Variants in RAB3B observed in about 807,000 individuals in gnomAD.
RAB3B encodes RAB3B, member RAS oncogene family, also known as ras-related protein Rab-3B.
In RAB3B, 11 loss-of-function variants were observed where a neutral mutation model predicts 20.5. That is an observed-to-expected ratio of 0.54 (90% CI 0.34 to 0.89). The LOEUF (loss-of-function observed/expected upper bound fraction) is 0.89, where lower values mean the gene tolerates loss of function less well. Ranked by LOEUF, RAB3B falls within the 40% of genes least tolerant of loss-of-function variation. The pLI is 0.02. For synonymous variants in RAB3B, 99 were observed against 106.3 expected, an observed-to-expected ratio of 0.93 and a Z score of 0.42; for missense variants, 225 against 280.9, an observed-to-expected ratio of 0.80 and a Z score of 1.42.
intron 2 of RAB3B, among the ~76,000 whole-genome samples, chr1:51,961,330 C>T (rs1224383442): frequency 6.6e-6 from 1 of 152,134 alleles, no homozygotes; most frequent in East Asian, 1.9e-4. Context: ...TAGTTTGCAA[C>T]AGATAACACC....
chr1:51,978,818 G>A (rs2124313981), intron 1 of RAB3B, among the ~76,000 whole-genome samples: 1 of 152,332 alleles, frequency 6.6e-6, no homozygotes, highest in East Asian at 1.9e-4. Context: ...GAAAGGGCAT[G>A]AGGCTGGTGG....
chr1:51,937,454 C>A, intron 2 of RAB3B, 42 bp from the exon 3 acceptor site: 1 of 1,413,794 alleles, frequency 7.1e-7, no homozygotes, highest in South Asian at 1.4e-5. Context: ...AGAAAGTCTG[C>A]TTTGGTTCCT....
At chr1:51,924,615 CAG>C (rs1571956735) in intron 4 of RAB3B, among the ~76,000 whole-genome samples, 1 of 152,280 alleles carries the variant, frequency 6.6e-6, no homozygotes, top group Non-Finnish European at 1.5e-5. Context: ...GGGGGCCAAA[CAG>C]GGGGAGCTCT....
Position 51,911,963 on chromosome 1 carries a change from T to G in RAB3B, c.*7964A>C, listed in dbSNP as rs528445322. 1 of 152,212 alleles carries G rather than the reference T, an allele frequency of 6.6e-6. No homozygotes were observed. The highest frequency in any genetic ancestry group is 2.1e-4 in the South Asian group (1 of 4,820). The allele number at this position is 152,212 out of a possible 1,614,324, so 9.4% of individuals were successfully genotyped here. ...AAGAAACAAGGAGAGAGGTGACAGC[T>G]GCTTATTACAGGAAATGATTTACCA... On this transcript the variant is annotated 3_prime_UTR_variant, in exon 5 of 5. Transcript: ENST00000371655.
Position 51,919,819 on chromosome 1 carries a change from G to A in RAB3B, c.*108C>T, listed in dbSNP as rs1469330329. The A allele has an allele frequency of 4.4e-6, 5 of 1,141,464 alleles. No individual in the cohort carries two copies. The highest frequency in any genetic ancestry group is 3.3e-5 in the South Asian group (2 of 61,422). 70.7% of individuals were successfully genotyped at this position (1,141,464 alleles called of 1,614,324 possible). A position where few individuals can be genotyped will look rare whatever the true frequency, so the allele number is the denominator to read the frequency against. On this transcript the variant is annotated 3_prime_UTR_variant, in exon 5 of 5. Coordinates refer to ENST00000371655, the MANE Select transcript of RAB3B (RefSeq NM_002867.4). ...CAGCAACTCATCTTGCTCTGAGTGTGGGCAGTGTGTAACAGGGAGAGTGGG... is the reference window on the plus strand; with the variant it reads ...CAGCAACTCATCTTGCTCTGAGTGTAGGCAGTGTGTAACAGGGAGAGTGGG...
At position 51,990,664 on chromosome 1, in the gene RAB3B, T is replaced by TGGTCCGGTCC. The variant is rs1553232502; in HGVS notation, c.-114_-113insGGACCGGACC. The TGGTCCGGTCC allele has an allele frequency of 6.6e-6, 1 of 152,138 alleles. No homozygotes were observed. Among genetic ancestry groups the TGGTCCGGTCC allele is most frequent in the African/African-American group, 2.4e-5 (1 of 41,242 alleles). 9.4% of individuals were successfully genotyped at this position (152,138 alleles called of 1,614,324 possible). On this transcript the variant is annotated 5_prime_UTR_variant, in exon 1 of 5. Transcript: ENST00000371655. ...CGGGGCGGGGCGCTGCGGGATGGTC[T>TGGTCCGGTCC]GGTCCGGTCAGGTCCTCACAGTGGC...
At chr1:51,939,654 A>G (rs1434243831) in intron 2 of RAB3B, among the ~76,000 whole-genome samples, 1 of 152,216 alleles carries the variant, frequency 6.6e-6, no homozygotes, top group Non-Finnish European at 1.5e-5. Flanking sequence ...AGCTCACTGC[A>G]GCCTCAAATT....
chr1:51,958,899 C>G (rs1684748377), intron 2 of RAB3B, among the ~76,000 whole-genome samples: 1 of 152,166 alleles, frequency 6.6e-6, no homozygotes. Context: ...GAAGAGATAG[C>G]CTCAACTTTG....
chr1:51,924,020 C>A (rs973098623), intron 4 of RAB3B, among the ~76,000 whole-genome samples: 1 of 152,158 alleles, frequency 6.6e-6, no homozygotes, highest in Admixed American at 6.5e-5. Context: ...AGACAGGGAG[C>A]TCCCCAAACA....
At chr1:51,978,985 T>C (rs767361142) in intron 1 of RAB3B, among the ~76,000 whole-genome samples, 7 of 152,236 alleles carry the variant, frequency 4.6e-5, no homozygotes, top group Non-Finnish European at 8.8e-5. Context: ...ACTCCTGTGG[T>C]CTCTGTTCTT....
chr1:51,949,702 T>G (rs1488795308), intron 2 of RAB3B, among the ~76,000 whole-genome samples: 2 of 152,176 alleles, frequency 1.3e-5, no homozygotes, highest in African/African-American at 4.8e-5. Flanking sequence ...TGCAGCCCCA[T>G]CAGCAGCAGC....
chr1:51,974,132 A>C (rs1224369768), intron 2 of RAB3B, among the ~76,000 whole-genome samples: 1 of 152,124 alleles, frequency 6.6e-6, no homozygotes, highest in Non-Finnish European at 1.5e-5. Flanking sequence ...CTGCTCTTTC[A>C]CAACCTTGAT....
intron 2 of RAB3B, among the ~76,000 whole-genome samples, chr1:51,976,413 C>T (rs530630862): frequency 4.6e-5 from 7 of 152,184 alleles, no homozygotes; most frequent in South Asian, 4.2e-4. Flanking sequence ...ATTTGTTATA[C>T]GACAGTAGAT....
chr1:51,983,321 C>CAA (rs1167720129), intron 1 of RAB3B, among the ~76,000 whole-genome samples: 2 of 141,748 alleles, frequency 1.4e-5, no homozygotes, highest in South Asian at 2.2e-4. Context: ...GACTTGGTCT[C>CAA]AAAAAAAAAA....
chr1:51,977,143 AG>A (rs1245398952), intron 1 of RAB3B, 26 bp from the exon 2 acceptor site: 1 of 1,586,860 alleles, frequency 6.3e-7, no homozygotes, highest in African/African-American at 1.3e-5. Context: ...AGAGTCACTC[AG>A]GAACAGACCT....
chr1:51,915,165 T>G lies in RAB3B; in HGVS notation c.*4762A>C, dbSNP rs1684064774. On this transcript the variant is annotated 3_prime_UTR_variant, in exon 5 of 5. Coordinates refer to ENST00000371655, the MANE Select transcript of RAB3B (RefSeq NM_002867.4). ...TTGAGCATGTTAACTTTTCCAGGGCTGTTTCCTTGACTGCCAAATTGGGAT... is the reference window on the plus strand; with the variant it reads ...TTGAGCATGTTAACTTTTCCAGGGCGGTTTCCTTGACTGCCAAATTGGGAT... The G allele has an allele frequency of 6.6e-6, 1 of 152,222 alleles. No individual in the cohort carries two copies. The highest frequency in any genetic ancestry group is 1.5e-5 in the Non-Finnish European group (1 of 68,034). The allele number at this position is 152,222 out of a possible 1,614,324, so 9.4% of individuals were successfully genotyped here. A position where few individuals can be genotyped will look rare whatever the true frequency, so the allele number is the denominator to read the frequency against.
intron 2 of RAB3B, among the ~76,000 whole-genome samples, chr1:51,947,022 C>T (rs952970905): frequency 2.0e-5 from 3 of 151,974 alleles, no homozygotes; most frequent in Non-Finnish European, 4.4e-5. Context: ...AGTTTGAGTC[C>T]CCAGTTGATA....
Position 51,953,938 on chromosome 1 carries a change from C to A in RAB3B, c.229-16526G>T, listed in dbSNP as rs181131298. On this transcript the variant is annotated intron_variant, in intron 2 of 4. Coordinates refer to ENST00000371655, the MANE Select transcript of RAB3B (RefSeq NM_002867.4). Reference sequence around the variant, plus strand: ...ATTAGCTAAACTAAAATTAAGATAACATTCAGTGTTCACAAAGGTAAAGTA... The same window carrying A: ...ATTAGCTAAACTAAAATTAAGATAAAATTCAGTGTTCACAAAGGTAAAGTA... Among the ~76,000 whole-genome samples, 8 of 152,164 alleles carry A rather than the reference C, an allele frequency of 5.3e-5. No individual in the cohort carries two copies. The East Asian group carries it at 1.5e-3, about 29-fold the overall frequency.
At chr1:51,990,463 C>T (rs1178580653) in intron 1 of RAB3B, 89 bp downstream of exon 1, 1 of 151,064 alleles carries the variant, frequency 6.6e-6, no homozygotes, top group Non-Finnish European at 1.5e-5. Flanking sequence ...CGCGCTCCTT[C>T]TCGGCGCCCG....
Sources: gnomAD v4.1 joint callset for allele counts (sites outside exome capture counted in the v4.1 genomes callset) on GRCh38, gnomAD v4.1.1 for gene constraint, MANE v1.5 for transcripts, NCBI Gene and HGNC (gene_info 2026-07-23, HGNC 2026-07-21) for gene names.